Variants in LRMDA observed in about 807,000 individuals in gnomAD.
LRMDA encodes the protein leucine rich melanocyte differentiation associated.
Under a neutral mutation model 29.8 loss-of-function variants are expected in LRMDA, and 18 were observed. The ratio of observed to expected loss-of-function variants is 0.60; its 90% CI spans 0.42 to 0.90. The LOEUF (loss-of-function observed/expected upper bound fraction) is 0.90. Among genes scored for constraint, LRMDA ranks in the 40% least tolerant of loss-of-function variants. The pLI is 0.00. For synonymous variants in LRMDA, 125 were observed against 109.4 expected (o/e 1.14, Z -0.89); for missense variants, 273 against 273.9 (o/e 1.00, Z 0.02).
intron 5 of LRMDA, among the ~76,000 whole-genome samples, chr10:76,133,937 G>C (rs1196475648): frequency 6.6e-6 from 1 of 152,202 alleles, no homozygotes; most frequent in African/African-American, 2.4e-5. Flanking sequence ...GGCCCCTGCT[G>C]TTGCCTCAGA....
intron 5 of LRMDA, among the ~76,000 whole-genome samples, chr10:76,157,071 C>T (rs1163791308): frequency 6.6e-6 from 1 of 152,124 alleles, no homozygotes; most frequent in African/African-American, 2.4e-5. Flanking sequence ...GTGTCATGAT[C>T]AAGATCTGTT....
chr10:75,953,364 G>A (rs1168833703), intron 2 of LRMDA, among the ~76,000 whole-genome samples: 1 of 152,126 alleles, frequency 6.6e-6, no homozygotes, highest in African/African-American at 2.4e-5. Flanking sequence ...ACAGGTGTGA[G>A]CCACCATGCC....
intron 5 of LRMDA, among the ~76,000 whole-genome samples, chr10:76,224,455 C>A (rs1851912082): frequency 6.6e-6 from 1 of 151,826 alleles, no homozygotes; most frequent in Non-Finnish European, 1.5e-5. Context: ...ACCTGTGGTC[C>A]CACCTACTCA....
intron 2 of LRMDA, among the ~76,000 whole-genome samples, chr10:75,495,798 G>A (rs1325143470): frequency 1.3e-5 from 2 of 152,210 alleles, no homozygotes; most frequent in Non-Finnish European, 2.9e-5. Flanking sequence ...GCAATGCCTC[G>A]GGGTGGCTGG....
intron 2 of LRMDA, among the ~76,000 whole-genome samples, chr10:75,772,874 G>T (rs1269137373): frequency 1.6e-5 from 2 of 128,906 alleles, no homozygotes; most frequent in Admixed American, 8.0e-5. Flanking sequence ...TGGGATGGGG[G>T]GGGGCAGATT....
intron 3 of LRMDA, among the ~76,000 whole-genome samples, chr10:76,039,473 TG>T (rs1045884526): frequency 3.9e-5 from 6 of 152,250 alleles, no homozygotes; most frequent in Non-Finnish European, 7.3e-5. Context: ...ATATGTAAAA[TG>T]GTTATTCACC....
At chr10:75,741,225 C>T (rs556410591) in intron 2 of LRMDA, among the ~76,000 whole-genome samples, 10 of 152,330 alleles carry the variant, frequency 6.6e-5, no homozygotes, top group African/African-American at 1.7e-4. Context: ...AACCCACTTC[C>T]AGGCTCTGTC....
intron 2 of LRMDA, among the ~76,000 whole-genome samples, chr10:75,779,918 C>G (rs769231841): frequency 6.6e-6 from 1 of 152,042 alleles, no homozygotes; most frequent in Non-Finnish European, 1.5e-5. Context: ...TTAAGGATCT[C>G]GAGATGAAAT....
chr10:76,375,659 T>G (rs1345708842), intron 6 of LRMDA, among the ~76,000 whole-genome samples: 1 of 151,722 alleles, frequency 6.6e-6, no homozygotes, highest in Non-Finnish European at 1.5e-5. Context: ...AGCTAGAAAT[T>G]AATCCCTACA....
chr10:76,138,551 C>T (rs1258595264), intron 5 of LRMDA, among the ~76,000 whole-genome samples: 1 of 152,102 alleles, frequency 6.6e-6, no homozygotes, highest in East Asian at 1.9e-4. Context: ...TAAAGTCCTG[C>T]CTCATATTGG....
At chr10:76,420,586 C>T (rs1053816548) in intron 6 of LRMDA, among the ~76,000 whole-genome samples, 1 of 151,786 alleles carries the variant, frequency 6.6e-6, no homozygotes, top group African/African-American at 2.4e-5. Context: ...GTTTTATTTT[C>T]TGTTCCTTAA....
At chr10:75,610,070 A>G (rs909148166) in intron 2 of LRMDA, among the ~76,000 whole-genome samples, 2 of 152,090 alleles carry the variant, frequency 1.3e-5, no homozygotes, top group African/African-American at 4.8e-5. Flanking sequence ...AACATACTTA[A>G]TTTTTTAAAA....
intron 2 of LRMDA, among the ~76,000 whole-genome samples, chr10:75,664,986 G>A (rs1303154827): frequency 6.6e-6 from 1 of 152,166 alleles, no homozygotes; most frequent in Non-Finnish European, 1.5e-5. Context: ...TGGAAATTGA[G>A]ACTCAGAAGA....
intron 6 of LRMDA, among the ~76,000 whole-genome samples, chr10:76,340,515 C>CAAAAAAAAAAAA (rs1174024731): frequency 1.3e-5 from 1 of 75,762 alleles, no homozygotes; most frequent in African/African-American, 5.6e-5. Flanking sequence ...GAACCTGTAT[C>CAAAAAAAAAAAA]AAAAAAAAAA....
intron 2 of LRMDA, among the ~76,000 whole-genome samples, chr10:75,578,376 A>T (rs1191050755): frequency 6.6e-6 from 1 of 152,104 alleles, no homozygotes. Flanking sequence ...ATATGTACCC[A>T]GTACAGGAGC....
chr10:75,788,007 C>T (rs529264772), intron 2 of LRMDA, among the ~76,000 whole-genome samples: 19 of 151,014 alleles, frequency 1.3e-4, no homozygotes, highest in African/African-American at 4.1e-4. Context: ...CCAGCCTGGG[C>T]GACAGAGTGA....
intron 6 of LRMDA, among the ~76,000 whole-genome samples, chr10:76,417,164 C>T (rs1335530140): frequency 6.6e-6 from 1 of 152,124 alleles, no homozygotes; most frequent in African/African-American, 2.4e-5. Flanking sequence ...TCAGTCACAG[C>T]CTGGGTCACA....
intron 2 of LRMDA, among the ~76,000 whole-genome samples, chr10:75,615,953 CT>C (rs1361997081): frequency 2.0e-5 from 3 of 152,112 alleles, no homozygotes; most frequent in Admixed American, 6.5e-5. Flanking sequence ...ATGACTGTGA[CT>C]TTCATATTTT....
chr10:75,794,985 C>A (rs1040505488), intron 2 of LRMDA, among the ~76,000 whole-genome samples: 1 of 151,190 alleles, frequency 6.6e-6, no homozygotes, highest in Non-Finnish European at 1.5e-5. Flanking sequence ...CCTAAGAAAC[C>A]TTTGCCTTCC....
Sources: allele counts gnomAD v4.1 joint callset (sites outside exome capture counted in the v4.1 genomes callset), GRCh38; gene constraint gnomAD v4.1.1; transcripts MANE v1.5; gene names NCBI Gene and HGNC (gene_info 2026-07-23, HGNC 2026-07-21).